The following IARS1 variants were observed in gnomAD, a reference collection of about 807,000 sequenced individuals.
IARS1 encodes the protein isoleucyl-tRNA synthetase 1.
A neutral mutation model predicts 168.2 loss-of-function variants in IARS1; 124 were observed. The ratio of observed to expected loss-of-function variants is 0.74; its 90% CI spans 0.64 to 0.86. The LOEUF is 0.86. IARS1 is among the 40% of genes least tolerant of loss of function. The pLI, the probability that IARS1 is intolerant of heterozygous loss-of-function variation, is 0.00. For synonymous variants in IARS1, 532 were observed against 529.4 expected (o/e 1.00, Z -0.07); for missense variants, 1,452 against 1,515.8 (o/e 0.96, Z 0.70).
chr9:92,270,845 A>G, intron 12 of IARS1, 140 bp downstream of exon 12: 1 of 509,386 alleles, frequency 2.0e-6, no homozygotes, highest in Non-Finnish European at 3.5e-6. Context: ...CTAAAAATGA[A>G]GTAAGAAGGT....
At chr9:92,223,246 A>G (rs72750411) in intron 32 of IARS1, 100 bp downstream of exon 32, 32,179 of 1,149,494 alleles carry the variant, frequency 0.028, 548 homozygotes, top group South Asian at 0.059. Context: ...ACTTTAAAGC[A>G]ATACTTTGAA....
intron 17 of IARS1, among the ~76,000 whole-genome samples, chr9:92,261,864 C>T (rs150774381): frequency 1.4e-3 from 211 of 151,968 alleles, no homozygotes; most frequent in African/African-American, 4.7e-3. Context: ...GATTCTTGTG[C>T]CTCAGCCTCC....
chr9:92,274,021 T>C (rs1833458065), intron 10 of IARS1, among the ~76,000 whole-genome samples: 1 of 152,248 alleles, frequency 6.6e-6, no homozygotes, highest in South Asian at 2.1e-4. Flanking sequence ...AAAAGGAATG[T>C]GTTTTTAGAA....
chr9:92,277,124 C>T (rs1318637856), intron 9 of IARS1, among the ~76,000 whole-genome samples: 1 of 152,098 alleles, frequency 6.6e-6, no homozygotes, highest in African/African-American at 2.4e-5. Context: ...TAAAAATATA[C>T]ACCTAAAAAT....
chr9:92,214,575 G>T (rs950508632), intron 33 of IARS1, among the ~76,000 whole-genome samples: 1 of 152,216 alleles, frequency 6.6e-6, no homozygotes, highest in Non-Finnish European at 1.5e-5. Context: ...CACCGTGCGC[G>T]AGCCGAAGCA....
intron 30 of IARS1, among the ~76,000 whole-genome samples, chr9:92,239,856 A>G (rs1828106570): frequency 6.6e-6 from 1 of 152,148 alleles, no homozygotes; most frequent in African/African-American, 2.4e-5. Context: ...TGGTGGGGCC[A>G]TAGTTTTTTC....
intron 6 of IARS1, among the ~76,000 whole-genome samples, chr9:92,281,552 A>G (rs1345957401): frequency 6.6e-6 from 1 of 152,184 alleles, no homozygotes; most frequent in Middle Eastern, 3.2e-3. Flanking sequence ...GTTCTGGAAT[A>G]TGGTTATCTT....
chr9:92,243,075 T>C (rs557780643), intron 28 of IARS1, 141 bp downstream of exon 28: 1 of 615,296 alleles, frequency 1.6e-6, no homozygotes, highest in African/African-American at 1.8e-5. Flanking sequence ...TTCTGCAGAA[T>C]ACATTCCAAA....
intron 16 of IARS1, among the ~76,000 whole-genome samples, 180 bp from the exon 17 acceptor site, chr9:92,263,235 A>C (rs892955727): frequency 6.6e-5 from 10 of 152,254 alleles, no homozygotes; most frequent in African/African-American, 2.4e-4. Context: ...TAAGATTTGA[A>C]AGAAGCATTG....
At chr9:92,252,764 CAAAAAAAAAAAAAAA>C (rs34983021) in intron 21 of IARS1, among the ~76,000 whole-genome samples, 82 of 27,238 alleles carry the variant, frequency 3.0e-3, no homozygotes, top group African/African-American at 6.8e-3. Context: ...AACTCCTTCT[CAAAAAAAAAAAAAAA>C]AAAAAAAAAA....
intron 10 of IARS1, 103 bp from the exon 11 acceptor site, chr9:92,271,758 C>T (rs911410806): frequency 1.0e-5 from 13 of 1,266,092 alleles, no homozygotes; most frequent in Admixed American, 1.9e-5. Context: ...GTAACATATA[C>T]ATTTCATCAA....
At chr9:92,222,423 A>G (rs976157269) in intron 33 of IARS1, 97 bp downstream of exon 33, 41 of 801,488 alleles carry the variant, frequency 5.1e-5, no homozygotes, top group Non-Finnish European at 7.7e-5. Flanking sequence ...ACAGGATAAC[A>G]ATAGTACTAT....
chr9:92,270,709 T>C (rs1832895287), intron 12 of IARS1, among the ~76,000 whole-genome samples: 1 of 152,250 alleles, frequency 6.6e-6, no homozygotes, highest in South Asian at 2.1e-4. Flanking sequence ...GGTGGGAGGA[T>C]TGCTTAAGCC....
intron 10 of IARS1, 22 bp from the exon 11 acceptor site, chr9:92,271,677 G>T (rs1833054634): frequency 1.2e-6 from 2 of 1,613,482 alleles, no homozygotes; most frequent in African/African-American, 2.7e-5. Context: ...CAAAAGAGAG[G>T]GAAGAATAAA....
At chr9:92,211,264 G>A (rs1025923171) in intron 33 of IARS1, among the ~76,000 whole-genome samples, 6 of 152,166 alleles carry the variant, frequency 3.9e-5, no homozygotes, top group Non-Finnish European at 5.9e-5. Flanking sequence ...ACCAAGGCTC[G>A]AGTGAGCTTC....
intron 8 of IARS1, 81 bp downstream of exon 8, chr9:92,278,118 C>T (rs1409063934): frequency 6.1e-6 from 7 of 1,146,302 alleles, no homozygotes; most frequent in African/African-American, 4.6e-5. Context: ...TTTTGGATAA[C>T]AAAGTTTATT....
rs1587776602 is a variant in IARS1, at chr9:92,245,048, C to T, written c.2815G>A (p.Glu939Lys). The T allele has an allele frequency of 1.2e-6, 2 of 1,614,210 alleles. No individual in the cohort carries two copies. Among genetic ancestry groups the T allele is most frequent in the Non-Finnish European group, 8.5e-7 (1 of 1,180,024 alleles). The change falls in exon 27 of 34, where the codon GAA becomes AAA. Residue 939 changes from glutamate to lysine, a missense_variant. Coordinates refer to ENST00000443024, the MANE Select transcript of IARS1 (RefSeq NM_002161.6). ...KTGTIVVEGH[E>K]LHDEDIRLMY... is the part of the protein sequence containing the mutation. Reference sequence around the variant, plus strand: ...AGGCGGATGTCTTCATCGTGCAATTCATGGCCTTCCACAACAATGGTCCCT... The same window carrying T: ...AGGCGGATGTCTTCATCGTGCAATTTATGGCCTTCCACAACAATGGTCCCT...
chr9:92,239,618 T>G (rs1484966131), intron 30 of IARS1, among the ~76,000 whole-genome samples: 1 of 152,166 alleles, frequency 6.6e-6, no homozygotes, highest in East Asian at 1.9e-4. Flanking sequence ...CATGCATTTG[T>G]AAATGGGAGG....
intron 2 of IARS1, 51 bp downstream of exon 2, chr9:92,289,250 G>A (rs760018386): frequency 6.1e-5 from 42 of 683,830 alleles, no homozygotes; most frequent in African/African-American, 1.9e-5. Context: ...ATGGAATTCA[G>A]TCTAAGAAAT....
Sources: allele counts gnomAD v4.1 joint callset (sites outside exome capture counted in the v4.1 genomes callset), GRCh38; gene constraint gnomAD v4.1.1; transcripts MANE v1.5; gene names NCBI Gene and HGNC (gene_info 2026-07-23, HGNC 2026-07-21).